Variants in GAS7 observed in about 807,000 individuals in gnomAD.
The protein encoded by GAS7 is growth arrest specific 7.
A neutral mutation model predicts 71.1 loss-of-function variants in GAS7; 28 were observed. The observed-to-expected ratio is 0.39, with a 90% CI of 0.29 to 0.54. The LOEUF is 0.54. GAS7 is among the 20% of genes least tolerant of loss of function. GAS7 has a pLI of 0.62. For synonymous variants in GAS7, 258 were observed against 245.8 expected (o/e 1.05, Z -0.46); for missense variants, 436 against 627.8 (o/e 0.69, Z 3.27).
chr17:9,983,332 A>G (rs1415176857), intron 2 of GAS7, among the ~76,000 whole-genome samples: 2 of 152,100 alleles, frequency 1.3e-5, no homozygotes, highest in Non-Finnish European at 2.9e-5. Flanking sequence ...CTCCACCAAA[A>G]ATACAAAAAT....
intron 1 of GAS7, among the ~76,000 whole-genome samples, chr17:10,155,229 T>G (rs1350247758): frequency 6.6e-6 from 1 of 152,144 alleles, no homozygotes; most frequent in Non-Finnish European, 1.5e-5. Context: ...TTGGCCAGGC[T>G]GGTCTCGAAC....
At chr17:10,178,984 G>A (rs1986507) in intron 1 of GAS7, among the ~76,000 whole-genome samples, 35,684 of 151,722 alleles carry the variant, frequency 0.24, 4,370 homozygotes, top group Non-Finnish European at 0.26. Context: ...AACTGTAGTC[G>A]ACTGGCTGAG....
intron 1 of GAS7, among the ~76,000 whole-genome samples, chr17:10,098,939 G>C (rs1471355144): frequency 6.6e-6 from 1 of 152,168 alleles, no homozygotes; most frequent in African/African-American, 2.4e-5. Flanking sequence ...CTGGATGACA[G>C]AGCGAGACTC....
chr17:10,174,143 C>T (rs1318575804), intron 1 of GAS7, among the ~76,000 whole-genome samples: 1 of 152,178 alleles, frequency 6.6e-6, no homozygotes, highest in Non-Finnish European at 1.5e-5. Flanking sequence ...TAAGCAAACC[C>T]TCTGGAGGGT....
At chr17:10,196,304 G>T (rs1409698368) in intron 1 of GAS7, among the ~76,000 whole-genome samples, 1 of 152,192 alleles carries the variant, frequency 6.6e-6, no homozygotes, top group Non-Finnish European at 1.5e-5. Flanking sequence ...CTCATATTCA[G>T]CTTGCTTGTC....
chr17:10,088,219 TCAATAATAATAA>T (rs2073541587), intron 1 of GAS7, among the ~76,000 whole-genome samples: 1 of 53,662 alleles, frequency 1.9e-5, no homozygotes, highest in East Asian at 6.5e-4. Flanking sequence ...AGACTCTATC[TCAATAATAATAA>T]TAATAATAAT....
intron 1 of GAS7, among the ~76,000 whole-genome samples, chr17:10,135,143 T>C (rs1301911797): frequency 6.6e-6 from 1 of 152,198 alleles, no homozygotes; most frequent in Admixed American, 6.5e-5. Flanking sequence ...ACATCCTCTT[T>C]TAATTACATG....
At position 10,178,264 on chromosome 17, in the gene GAS7, G is replaced by A. The variant is rs186405595; in HGVS notation, c.183+19944C>T. Among the ~76,000 whole-genome samples the A allele has an allele frequency of 4.0e-4, 61 of 152,282 alleles. No individual in the cohort carries two copies. The East Asian group carries it at 0.011, about 28-fold the overall frequency. On this transcript the variant is annotated intron_variant, in intron 1 of 13. Transcript: ENST00000432992. ...TATCGCTGGCTTCTTGGACCAGGAC[G>A]AAGGGCTTAGGCCAGAGATGGTTCT...
At position 10,198,511 on chromosome 17, in the gene GAS7, C is replaced by G; in HGVS notation, c.-121G>C. ...GGGCTCCCGCGCTCTGGGCGCGCGCCGTCTCTGGGGTGCGCGGGGGTCCTC... is the reference window on the plus strand; with the variant it reads ...GGGCTCCCGCGCTCTGGGCGCGCGCGGTCTCTGGGGTGCGCGGGGGTCCTC... On this transcript the variant is annotated 5_prime_UTR_variant, in exon 1 of 14. Coordinates refer to ENST00000432992, the MANE Select transcript of GAS7 (RefSeq NM_201433.2). 5 of 649,734 alleles carry G rather than the reference C, an allele frequency of 7.7e-6. No individual in the cohort carries two copies. The highest frequency in any genetic ancestry group is 1.2e-5 in the Non-Finnish European group (5 of 433,288). 40.2% of individuals were successfully genotyped at this position (649,734 alleles called of 1,614,324 possible). A position where few individuals can be genotyped will look rare whatever the true frequency, so the allele number is the denominator to read the frequency against.
chr17:10,056,842 C>G (rs1011187849), intron 1 of GAS7, among the ~76,000 whole-genome samples: 3 of 152,180 alleles, frequency 2.0e-5, no homozygotes, highest in Admixed American at 2.0e-4. Flanking sequence ...GATGCCGAGC[C>G]GAAGCTAGAC....
At chr17:10,088,902 A>C (rs1416807314) in intron 1 of GAS7, among the ~76,000 whole-genome samples, 6 of 152,128 alleles carry the variant, frequency 3.9e-5, no homozygotes, top group Non-Finnish European at 8.8e-5. Flanking sequence ...TCATGCCTGC[A>C]ACCCCAGCAC....
At chr17:9,934,484 G>A (rs532567670) in intron 8 of GAS7, among the ~76,000 whole-genome samples, 28 of 151,922 alleles carry the variant, frequency 1.8e-4, no homozygotes, top group African/African-American at 6.5e-4. Flanking sequence ...AGACTGTGGC[G>A]CACAGCCAAG....
intron 2 of GAS7, among the ~76,000 whole-genome samples, chr17:9,998,573 C>A (rs1042827426): frequency 2.0e-5 from 3 of 151,934 alleles, no homozygotes; most frequent in African/African-American, 7.3e-5. Flanking sequence ...TCGAGACCAG[C>A]CTGGGCAATA....
At chr17:9,990,179 G>A (rs1402986893) in intron 2 of GAS7, among the ~76,000 whole-genome samples, 1 of 152,206 alleles carries the variant, frequency 6.6e-6, no homozygotes, top group Non-Finnish European at 1.5e-5. Context: ...TGAGGCAGGA[G>A]AATGGCATGA....
chr17:10,182,192 T>A (rs2074421768), intron 1 of GAS7, among the ~76,000 whole-genome samples: 1 of 152,166 alleles, frequency 6.6e-6, no homozygotes, highest in African/African-American at 2.4e-5. Context: ...GGAGTTTCAC[T>A]TTTGTCACCC....
chr17:10,011,321 G>T (rs889218665), intron 2 of GAS7, among the ~76,000 whole-genome samples: 3 of 152,210 alleles, frequency 2.0e-5, no homozygotes, highest in African/African-American at 7.2e-5. Flanking sequence ...GAGCTTGGTA[G>T]GAGTCAGATG....
In GAS7 at chr17:10,034,483, A is replaced by T. The variant is rs2072699300; in HGVS notation, c.184-14586T>A. Among the ~76,000 whole-genome samples, 1 of 151,756 alleles carries T rather than the reference A, an allele frequency of 6.6e-6. No individual in the cohort carries two copies. The highest frequency in any genetic ancestry group is 2.4e-5 in the African/African-American group (1 of 41,304). Reference sequence around the variant, plus strand: ...ATCACCACGCCTGGCTAATTTTTGTATTTTTAGTAGACACGGGGTTTCACC... The same window carrying T: ...ATCACCACGCCTGGCTAATTTTTGTTTTTTTAGTAGACACGGGGTTTCACC... On this transcript the variant is annotated intron_variant, in intron 1 of 13. Transcript: ENST00000432992. The surrounding 1 kb of genome is among the most constrained non-coding windows in gnomAD (Gnocchi z 4.4).
chr17:10,055,225 C>T (rs1173228606), intron 1 of GAS7, among the ~76,000 whole-genome samples: 2 of 152,134 alleles, frequency 1.3e-5, no homozygotes, highest in East Asian at 1.9e-4. Context: ...CAAGCCCAAG[C>T]GCTGGAAGCT....
intron 4 of GAS7, among the ~76,000 whole-genome samples, chr17:9,968,357 T>C (rs1158387169): frequency 6.6e-6 from 1 of 152,162 alleles, no homozygotes. Context: ...ACCTCGGAGC[T>C]GGCTGGAAAC....
Sources: allele counts gnomAD v4.1 joint callset (sites outside exome capture counted in the v4.1 genomes callset), GRCh38; gene constraint gnomAD v4.1.1; non-coding constraint Gnocchi (gnomAD v3.1); transcripts MANE v1.5; gene names NCBI Gene and HGNC (gene_info 2026-07-23, HGNC 2026-07-21).